NME7: variants seen among roughly 807,000 people sequenced by gnomAD.
NME7 encodes the protein nucleoside diphosphate kinase 7.
NME7 carries 41 observed loss-of-function variants against 49.1 expected under a neutral mutation model. The ratio of observed to expected loss-of-function variants is 0.83; its 90% CI spans 0.65 to 1.08. The LOEUF (loss-of-function observed/expected upper bound fraction) is 1.08. Ranked by LOEUF, NME7 falls within the 50% of genes least tolerant of loss-of-function variation. The probability of loss-of-function intolerance (pLI) is 0.00; values close to 1 mark genes in which losing one functional copy is unlikely to be tolerated. For synonymous variants in NME7, 139 were observed against 150.6 expected (o/e 0.92, Z 0.56); for missense variants, 423 against 463.4 (o/e 0.91, Z 0.80).
intron 7 of NME7, among the ~76,000 whole-genome samples, chr1:169,266,451 AAAATAATAATAGTC>A (rs996080243): frequency 4.5e-5 from 6 of 134,066 alleles, no homozygotes; most frequent in African/African-American, 1.5e-4. Context: ...AACATACTTC[AAAATAATAATAGTC>A]ATCAATGACA....
At chr1:169,292,045 T>G (rs1401912911) in intron 6 of NME7, among the ~76,000 whole-genome samples, 1 of 152,108 alleles carries the variant, frequency 6.6e-6, no homozygotes, top group African/African-American at 2.4e-5. Flanking sequence ...CCCAGATATA[T>G]ATATTCAATA....
At chr1:169,236,432 CAATT>C (rs1647860736) in intron 8 of NME7, among the ~76,000 whole-genome samples, 1 of 152,108 alleles carries the variant, frequency 6.6e-6, no homozygotes, top group Non-Finnish European at 1.5e-5. Context: ...CCTATAGGCT[CAATT>C]AATCATTTTT....
At chr1:169,365,248 C>A (rs910075309) in intron 1 of NME7, among the ~76,000 whole-genome samples, 1 of 152,206 alleles carries the variant, frequency 6.6e-6, no homozygotes, top group Non-Finnish European at 1.5e-5. Flanking sequence ...TCCTTGAAAA[C>A]CACAACTTCC....
At chr1:169,207,466 C>A (rs894850261) in intron 10 of NME7, among the ~76,000 whole-genome samples, 2 of 152,078 alleles carry the variant, frequency 1.3e-5, no homozygotes, top group Non-Finnish European at 2.9e-5. Flanking sequence ...GGATAAGAAC[C>A]TTGCTCTAGG....
At chr1:169,136,042 T>G (rs574803222) in intron 11 of NME7, among the ~76,000 whole-genome samples, 11 of 152,260 alleles carry the variant, frequency 7.2e-5, no homozygotes, top group African/African-American at 2.6e-4. Context: ...ACATTCCCCC[T>G]TAGTGTTGAC....
At chr1:169,162,460 T>C (rs1194532799) in intron 11 of NME7, among the ~76,000 whole-genome samples, 6 of 152,118 alleles carry the variant, frequency 3.9e-5, no homozygotes, top group Non-Finnish European at 7.4e-5. Context: ...TATACATAAC[T>C]GTCTCCTGAA....
In NME7 at chr1:169,271,636, C is replaced by T. The variant is rs146751341; in HGVS notation, c.754+15667G>A. On this transcript the variant is annotated intron_variant, in intron 7 of 11. Coordinates refer to ENST00000367811, the MANE Select transcript of NME7 (RefSeq NM_013330.5). ...GCCCTTTATTGTATTAAGGAATAAA[C>T]TTAGCTTTGCTTCATCAACAGGATA... is the stretch of plus-strand genomic sequence containing the variant. Among the ~76,000 whole-genome samples, 395 of 133,654 alleles carry T rather than the reference C, an allele frequency of 3.0e-3. 41 individuals are homozygous for T. Among genetic ancestry groups the T allele is most frequent in the African/African-American group, 9.8e-3 (387 of 39,638 alleles). 87.7% of individuals were successfully genotyped at this position (133,654 alleles called of 152,430 possible).
intron 7 of NME7, among the ~76,000 whole-genome samples, chr1:169,253,657 G>A (rs1391998042): frequency 6.6e-6 from 1 of 152,186 alleles, no homozygotes; most frequent in Non-Finnish European, 1.5e-5. Context: ...CAAACGGAAT[G>A]CTTCTAGTTT....
intron 7 of NME7, among the ~76,000 whole-genome samples, chr1:169,283,064 T>A (rs994445942): frequency 6.6e-6 from 1 of 152,136 alleles, no homozygotes; most frequent in African/African-American, 2.4e-5. Flanking sequence ...TCTCCCACTT[T>A]TATTGTGTGG....
Position 169,367,769 on chromosome 1 carries a change from C to T in NME7, c.-59G>A, listed in dbSNP as rs1653942970. 3 of 1,608,582 alleles carry T rather than the reference C, an allele frequency of 1.9e-6. No individual in the cohort carries two copies. Among genetic ancestry groups the T allele is most frequent in the African/African-American group, 2.7e-5 (2 of 74,852 alleles). ...CGTTGAGACAGGAAGACACCACCACCACCACCATCATACGGTTACTCAGGC... is the reference window on the plus strand; with the variant it reads ...CGTTGAGACAGGAAGACACCACCACTACCACCATCATACGGTTACTCAGGC... On this transcript the variant is annotated 5_prime_UTR_variant, in exon 1 of 12. Coordinates refer to ENST00000367811, the MANE Select transcript of NME7 (RefSeq NM_013330.5).
rs1280528094 is a variant in NME7 at position 169,260,362 on chromosome 1, G to A, written c.755-22675C>T. Among the ~76,000 whole-genome samples, 10 of 132,938 alleles carry A rather than the reference G, an allele frequency of 7.5e-5. 2 individuals carry two copies. The highest frequency in any genetic ancestry group is 1.1e-4 in the Non-Finnish European group (6 of 56,542). The allele number at this position is 132,938 out of a possible 152,430, so 87.2% of individuals were successfully genotyped here. On this transcript the variant is annotated intron_variant, in intron 7 of 11. Transcript: ENST00000367811. ...AGATACTACCTTTTCTTTAGAAATC[G>A]TCCCTCTTTCTTCCTCCTAAGAATC... is the stretch of plus-strand genomic sequence containing the variant.
intron 7 of NME7, among the ~76,000 whole-genome samples, chr1:169,251,825 C>T (rs554455071): frequency 2.6e-4 from 40 of 151,242 alleles, no homozygotes; most frequent in African/African-American, 9.7e-4. Context: ...GTTTTTTGTT[C>T]TTGCAACAGT....
chr1:169,204,602 C>T (rs1211027049), intron 10 of NME7, among the ~76,000 whole-genome samples: 14 of 152,200 alleles, frequency 9.2e-5, no homozygotes, highest in East Asian at 5.8e-4. Context: ...TTTCAGATGT[C>T]GCACTCTCTC....
intron 10 of NME7, among the ~76,000 whole-genome samples, chr1:169,210,167 A>C (rs1343877845): frequency 6.6e-6 from 1 of 152,130 alleles, no homozygotes; most frequent in African/African-American, 2.4e-5. Flanking sequence ...ACAAAAATGG[A>C]GGTAAAAGGG....
intron 10 of NME7, among the ~76,000 whole-genome samples, chr1:169,213,806 AT>A (rs1433089842): frequency 4.6e-5 from 7 of 150,628 alleles, no homozygotes; most frequent in African/African-American, 1.5e-4. Context: ...TTGGGAAAAA[AT>A]ATAAAAATAA....
intron 10 of NME7, among the ~76,000 whole-genome samples, chr1:169,186,258 C>T (rs1314736064): frequency 6.6e-6 from 1 of 152,108 alleles, no homozygotes; most frequent in Non-Finnish European, 1.5e-5. Flanking sequence ...ACCTGAGACT[C>T]ACACAAATAA....
intron 10 of NME7, among the ~76,000 whole-genome samples, chr1:169,212,585 T>TAAAAAAAAAAA (rs1660857388): frequency 2.0e-5 from 3 of 148,998 alleles, no homozygotes; most frequent in African/African-American, 7.3e-5. Context: ...ACTTCACACT[T>TAAAAAAAAAAA]TAAAACAAAT....
chr1:169,299,293 G>T (rs984516243), intron 5 of NME7, among the ~76,000 whole-genome samples: 1 of 151,906 alleles, frequency 6.6e-6, no homozygotes, highest in Non-Finnish European at 1.5e-5. Flanking sequence ...TCCCCAGCAG[G>T]CTTCAAGAAA....
At chr1:169,354,086 T>C (rs994906487) in intron 1 of NME7, among the ~76,000 whole-genome samples, 1 of 152,134 alleles carries the variant, frequency 6.6e-6, no homozygotes, top group Non-Finnish European at 1.5e-5. Flanking sequence ...AACAAAGAGT[T>C]ATCTGCACTC....
Sources: allele counts gnomAD v4.1 joint callset (sites outside exome capture counted in the v4.1 genomes callset), GRCh38; gene constraint gnomAD v4.1.1; transcripts MANE v1.5; gene names NCBI Gene and HGNC (gene_info 2026-07-23, HGNC 2026-07-21).